DOCK11: variants seen among roughly 807,000 people sequenced by gnomAD.
DOCK11 encodes dedicator of cytokinesis protein 11.
In DOCK11, 70 loss-of-function variants were observed where a neutral mutation model predicts 169.1. The observed-to-expected ratio is 0.41, with a 90% CI of 0.34 to 0.51. The LOEUF (loss-of-function observed/expected upper bound fraction) is 0.51, where lower values mean the gene tolerates loss of function less well. Among genes scored for constraint, DOCK11 ranks in the 20% least tolerant of loss-of-function variants. The pLI is 0.10. For synonymous variants in DOCK11, 529 were observed against 541.3 expected (o/e 0.98, Z 0.32); for missense variants, 1,166 against 1,538.8 (o/e 0.76, Z 4.05).
intron 14 of DOCK11, among the ~76,000 whole-genome samples, chrX:118,581,653 A>G (rs1375142614): frequency 9.6e-6 from 1 of 103,850 alleles, no homozygotes; most frequent in African/African-American, 3.5e-5. Context: ...AATACAAAAA[A>G]ATTAGCTGGG....
rs1261944919 is a variant in DOCK11, at chrX:118,641,298, G to T, written c.4253G>T (p.Cys1418Phe). ...GACACCATATCATTTTTCACTCAGT[G>T]CTTCAAGGTAAAAATGAAGAGTTAT... is the stretch of plus-strand genomic sequence containing the variant. ...VLDTISFFTQ[C>F]FKTQLLNNDG... is the part of the protein sequence containing the mutation. The change falls in exon 39 of 53, where the codon TGC becomes TTC. Residue 1418 changes from cysteine to phenylalanine, a missense_variant. By Grantham distance (205) the Cys-to-Phe change is radical. Coordinates refer to ENST00000276202, the MANE Select transcript of DOCK11 (RefSeq NM_144658.4). 8.6e-7 allele frequency: 1 copy of T among 1,168,628 alleles called. No individual in the cohort carries two copies. The highest frequency in any genetic ancestry group is 1.8e-5 in the African/African-American group (1 of 56,343).
chrX:118,605,086 A>G (rs2014459396), intron 23 of DOCK11, 152 bp from the exon 24 acceptor site: 5 of 379,104 alleles, frequency 1.3e-5, no homozygotes, highest in Non-Finnish European at 2.3e-5. Context: ...GTAATTAACA[A>G]AAAAGCCCCC....
intron 18 of DOCK11, 73 bp from the exon 19 acceptor site, chrX:118,590,137 C>T (rs1008134013): frequency 3.2e-6 from 3 of 936,126 alleles, no homozygotes; most frequent in East Asian, 6.2e-5. Context: ...ATGCCTCTAA[C>T]TATATGTGGT....
chrX:118,538,079 T>G (rs1569410236), intron 1 of DOCK11, among the ~76,000 whole-genome samples: 1 of 112,362 alleles, frequency 8.9e-6, no homozygotes, highest in Non-Finnish European at 1.9e-5. Flanking sequence ...TATGGGATGA[T>G]ATGAAGCTTT....
chrX:118,552,617 C>G lies in DOCK11; in HGVS notation c.558+6501C>G, dbSNP rs1296799652. On this transcript the variant is annotated intron_variant, in intron 6 of 52. Transcript: ENST00000276202. Reference sequence around the variant, plus strand: ...AGAAACTTGCCCTGAGGAGCCTGGACTACAGGAAAGCTGCGAATAATGTGC... The same window carrying G: ...AGAAACTTGCCCTGAGGAGCCTGGAGTACAGGAAAGCTGCGAATAATGTGC... Among the ~76,000 whole-genome samples the G allele has an allele frequency of 2.7e-5, 3 of 112,519 alleles. No individual in the cohort carries two copies. In the East Asian group the frequency reaches 8.4e-4, roughly 31 times the overall value.
intron 41 of DOCK11, among the ~76,000 whole-genome samples, chrX:118,651,109 G>A (rs1168326084): frequency 1.8e-5 from 2 of 111,478 alleles, no homozygotes; most frequent in African/African-American, 6.5e-5. Context: ...AGTATGAATT[G>A]TTTTGGCATT....
At chrX:118,637,318 T>C (rs997773444) in intron 36 of DOCK11, among the ~76,000 whole-genome samples, 1 of 111,457 alleles carries the variant, frequency 9.0e-6, no homozygotes, top group African/African-American at 3.3e-5. Context: ...TGGGGGATGA[T>C]TGGGTATGTA....
Position 118,569,733 on chromosome X carries a change from ATTT to A in DOCK11, c.1035+1583_1035+1585del, listed in dbSNP as rs3084778. On this transcript the variant is annotated intron_variant, in intron 10 of 52. Coordinates refer to ENST00000276202, the MANE Select transcript of DOCK11 (RefSeq NM_144658.4). Reference sequence around the variant, plus strand: ...ATATTGCTTTAGTGCAAGTTATGTGATTTTTTTTTTTTTTGTAAAAAAGTAACA... The same window carrying A: ...ATATTGCTTTAGTGCAAGTTATGTGATTTTTTTTTTTGTAAAAAAGTAACA... Among the ~76,000 whole-genome samples the A allele has an allele frequency of 3.7e-4, 38 of 102,513 alleles. No homozygotes were observed. In the South Asian group the frequency reaches 0.014, roughly 36 times the overall value. 89.0% of individuals were successfully genotyped at this position (102,513 alleles called of 115,157 possible).
intron 45 of DOCK11, among the ~76,000 whole-genome samples, chrX:118,665,686 T>G (rs905471688): frequency 1.8e-5 from 2 of 112,171 alleles, no homozygotes; most frequent in African/African-American, 6.5e-5. Flanking sequence ...AAGTGCCACT[T>G]TATTTTTCAG....
At chrX:118,654,508 A>G in intron 42 of DOCK11, 94 bp from the exon 43 acceptor site, 2 of 798,866 alleles carry the variant, frequency 2.5e-6, no homozygotes, top group Non-Finnish European at 3.7e-6. Flanking sequence ...TGTAACAGGA[A>G]GTGAAAATCA....
chrX:118,672,245 T>A (rs997108779), intron 46 of DOCK11, among the ~76,000 whole-genome samples: 6 of 111,748 alleles, frequency 5.4e-5, no homozygotes, highest in African/African-American at 2.0e-4. Flanking sequence ...TTGATAAAGT[T>A]TAGTTAATAA....
At chrX:118,629,438 G>A (rs1301041790) in intron 34 of DOCK11, among the ~76,000 whole-genome samples, 2 of 110,886 alleles carry the variant, frequency 1.8e-5, no homozygotes, top group East Asian at 5.6e-4. Context: ...TAGCTCAACT[G>A]AAAGTATTAG....
chrX:118,613,921 CTA>C (rs1191732170), intron 28 of DOCK11, among the ~76,000 whole-genome samples: 2 of 112,110 alleles, frequency 1.8e-5, no homozygotes, highest in African/African-American at 6.5e-5. Context: ...TGGGAAAAGA[CTA>C]TGAGTGTTCT....
intron 1 of DOCK11, among the ~76,000 whole-genome samples, chrX:118,534,656 C>G: frequency 8.9e-6 from 1 of 112,076 alleles, no homozygotes; most frequent in South Asian, 3.7e-4. Flanking sequence ...AAATTTAATT[C>G]TGAAAGCATC....
In DOCK11 at chrX:118,496,087, G is replaced by T; in HGVS notation, c.102+14G>T. On this transcript the variant is annotated intron_variant, in intron 1 of 52. Transcript: ENST00000276202. ...TCCGTGGTGCTGGTGAGTGGCCGGG[G>T]GACGGGGCATCCCGGGGGACGCGCT... 1.0e-6 allele frequency: 1 copy of T among 996,216 alleles called. No homozygotes were observed. The highest frequency in any genetic ancestry group is 1.3e-6 in the Non-Finnish European group (1 of 785,490). The allele number at this position is 996,216 out of a possible 1,213,427, so 82.1% of individuals were successfully genotyped here. A position where few individuals can be genotyped will look rare whatever the true frequency, so the allele number is the denominator to read the frequency against.
At chrX:118,626,351 A>C (rs768211084) in intron 32 of DOCK11, among the ~76,000 whole-genome samples, 1 of 111,512 alleles carries the variant, frequency 9.0e-6, no homozygotes, top group Admixed American at 9.5e-5. Flanking sequence ...AATTATAGGC[A>C]TGAGCCACTG....
intron 46 of DOCK11, 53 bp from the exon 47 acceptor site, chrX:118,675,883 C>A: frequency 1.4e-6 from 1 of 726,759 alleles, no homozygotes; most frequent in Non-Finnish European, 2.0e-6. Context: ...ATCTTGAAGA[C>A]ATTTAGTAAT....
intron 46 of DOCK11, among the ~76,000 whole-genome samples, chrX:118,672,265 G>A (rs965207467): frequency 7.1e-5 from 8 of 112,146 alleles, no homozygotes; most frequent in African/African-American, 2.6e-4. Flanking sequence ...AAGAATAGTA[G>A]TATAATGCAC....
At position 118,542,806 on chromosome X, in the gene DOCK11, C is replaced by T. The variant is rs2012075166; in HGVS notation, c.184C>T (p.Arg62Ter). Residue 62 changes from arginine to a stop codon, truncating the protein, a stop_gained, in exon 2 of 53, where the codon CGA (arginine) becomes TGA (stop). Coordinates refer to ENST00000276202, the MANE Select transcript of DOCK11 (RefSeq NM_144658.4). LOFTEE classifies it high-confidence loss of function. ...AACCCAGATTTACAGCGACCCCCTC[C>T]GAGATCTGCTTATGTTCCCAATGGA... ...RKTQIYSDPL[R>*]DLLMFPMEDI... The T allele has an allele frequency of 5.8e-6, 7 of 1,209,191 alleles. No individual in the cohort carries two copies. Among genetic ancestry groups the T allele is most frequent in the Non-Finnish European group, 7.8e-6 (7 of 893,323 alleles).
Sources: gnomAD v4.1 joint callset for allele counts (sites outside exome capture counted in the v4.1 genomes callset) on GRCh38, gnomAD v4.1.1 for gene constraint, MANE v1.5 for transcripts, NCBI Gene and HGNC (gene_info 2026-07-23, HGNC 2026-07-21) for gene names.